Variants in TRIM37 observed in about 807,000 individuals in gnomAD.
TRIM37 encodes the protein E3 ubiquitin-protein ligase TRIM37.
TRIM37 carries 80 observed loss-of-function variants against 129.8 expected under a neutral mutation model. That is an observed-to-expected ratio of 0.62 (90% CI 0.51 to 0.74). The LOEUF (loss-of-function observed/expected upper bound fraction) is 0.74. Among genes scored for constraint, TRIM37 ranks in the 30% least tolerant of loss-of-function variants. The pLI is 0.00. For missense variants in TRIM37, 1,054 were observed against 1,176.5 expected, an observed-to-expected ratio of 0.90 and a Z score of 1.52; for synonymous variants, 389 against 387.1, an observed-to-expected ratio of 1.00 and a Z score of -0.06.
chr17:59,021,167 G>T (rs2036557433), intron 19 of TRIM37, among the ~76,000 whole-genome samples: 1 of 152,162 alleles, frequency 6.6e-6, no homozygotes, highest in South Asian at 2.1e-4. Context: ...CGACTCAAGT[G>T]GATCATTTGA....
intron 24 of TRIM37, among the ~76,000 whole-genome samples, chr17:58,987,255 T>C (rs1283030568): frequency 6.6e-6 from 1 of 152,224 alleles, no homozygotes; most frequent in Non-Finnish European, 1.5e-5. Context: ...CTGCTAGTCA[T>C]TACATTGAGT....
intron 10 of TRIM37, 52 bp from the exon 11 acceptor site, chr17:59,062,700 G>C: frequency 1.4e-6 from 2 of 1,465,636 alleles, no homozygotes; most frequent in Non-Finnish European, 1.9e-6. Flanking sequence ...GTTGTGAAAT[G>C]GCAACAGGCA....
intron 24 of TRIM37, chr17:58,983,036 G>GT (rs1339248564): frequency 9.1e-6 from 9 of 987,584 alleles, no homozygotes; most frequent in African/African-American, 1.6e-5. Context: ...TATTGGTAAT[G>GT]TTTTTGATCA....
At chr17:59,098,983 C>T (rs763539165) in intron 2 of TRIM37, among the ~76,000 whole-genome samples, 91 of 152,140 alleles carry the variant, frequency 6.0e-4, no homozygotes, top group Non-Finnish European at 1.0e-3. Flanking sequence ...AAGAGATCGA[C>T]ACCATCCTGG....
intron 2 of TRIM37, among the ~76,000 whole-genome samples, chr17:59,102,165 T>C (rs1362348794): frequency 8.5e-5 from 13 of 152,126 alleles, no homozygotes; most frequent in Non-Finnish European, 1.9e-4. Flanking sequence ...TAGCTAAAGC[T>C]GCTAAAGTAA....
intron 15 of TRIM37, among the ~76,000 whole-genome samples, chr17:59,048,816 C>T (rs1294262132): frequency 2.0e-5 from 3 of 152,188 alleles, no homozygotes; most frequent in African/African-American, 7.2e-5. Flanking sequence ...AGGATAGTCT[C>T]GAACTCCTGA....
intron 9 of TRIM37, 74 bp downstream of exon 9, chr17:59,070,749 A>G (rs76870155): frequency 2.8e-5 from 42 of 1,506,940 alleles, no homozygotes; most frequent in Non-Finnish European, 3.8e-5. Flanking sequence ...AAAAAAAAAA[A>G]CATTCTTTTG....
chr17:59,006,978 T>G (rs1845389768), intron 22 of TRIM37, among the ~76,000 whole-genome samples: 1 of 151,924 alleles, frequency 6.6e-6, no homozygotes, highest in South Asian at 2.1e-4. Context: ...GTTGTTGAGG[T>G]GCTTAGAGAA....
intron 16 of TRIM37, among the ~76,000 whole-genome samples, chr17:59,042,560 C>T (rs969687491): frequency 6.7e-6 from 1 of 149,644 alleles, no homozygotes; most frequent in South Asian, 2.1e-4. Flanking sequence ...GTCAGGATTT[C>T]GAGACCAGCC....
intron 4 of TRIM37, among the ~76,000 whole-genome samples, chr17:59,084,893 A>G (rs2043616170): frequency 6.6e-6 from 1 of 152,238 alleles, no homozygotes; most frequent in Non-Finnish European, 1.5e-5. Flanking sequence ...CAACACTGCT[A>G]GCATTTAATC....
In TRIM37 at chr17:59,106,448, C is replaced by G. The variant is rs1487459885; in HGVS notation, c.14G>C (p.Ser5Thr). The G allele has an allele frequency of 5.6e-6, 9 of 1,614,152 alleles. No individual in the cohort carries two copies. Among genetic ancestry groups the G allele is most frequent in the Non-Finnish European group, 7.6e-6 (9 of 1,180,002 alleles). The stretch of plus-strand genomic sequence containing the variant: ...CCCTCACAACCCCCTCACCTCCACG[C>G]TCTGTTCATCCATTGCCTCCGGCTC... MDEQ[S>T]VESIAEVFRC... is the part of the protein sequence containing the mutation. The change falls in exon 1 of 24, where the codon AGC becomes ACC. Residue 5 changes from serine (S) to threonine (T), a missense_variant. Physicochemically the swap from Ser to Thr is moderately conservative, Grantham distance 58. Around this residue, in one of 3 missense-constraint regions of TRIM37, gnomAD observed 752 missense variants for 870.8 expected, o/e 0.86. Coordinates refer to ENST00000262294, the MANE Select transcript of TRIM37 (RefSeq NM_015294.6).
intron 12 of TRIM37, chr17:59,059,588 C>T (rs2041291414): frequency 6.6e-6 from 1 of 152,532 alleles, no homozygotes; most frequent in Non-Finnish European, 1.5e-5. Flanking sequence ...GCCTTGGCCT[C>T]CCAAAGTGCT....
chr17:59,097,840 T>C (rs2045055273), intron 2 of TRIM37, among the ~76,000 whole-genome samples: 1 of 152,226 alleles, frequency 6.6e-6, no homozygotes, highest in Non-Finnish European at 1.5e-5. Flanking sequence ...TGTTCAAGGA[T>C]CATAAGATTT....
chr17:58,977,031 C>CT, the TRIM37 span, among the ~76,000 whole-genome samples: 4 of 151,836 alleles, frequency 2.6e-5, no homozygotes, highest in Non-Finnish European at 5.9e-5. Flanking sequence ...TTTGCATTTT[C>CT]TGCTTAAATA....
At chr17:59,011,384 C>G (rs568419757) in intron 22 of TRIM37, among the ~76,000 whole-genome samples, 1 of 152,230 alleles carries the variant, frequency 6.6e-6, no homozygotes, top group South Asian at 2.1e-4. Flanking sequence ...AACTGAGAAA[C>G]CTGAAAATGC....
chr17:59,052,580 T>C (rs1274115752), intron 13 of TRIM37, among the ~76,000 whole-genome samples: 7 of 152,178 alleles, frequency 4.6e-5, no homozygotes, highest in Non-Finnish European at 8.8e-5. Flanking sequence ...AATGTTGGGA[T>C]AGTCTTTATA....
chr17:59,081,337 A>C, intron 5 of TRIM37, 118 bp from the exon 6 acceptor site: 2 of 1,414,984 alleles, frequency 1.4e-6, no homozygotes, highest in Non-Finnish European at 1.9e-6. Context: ...ACTTTACCTT[A>C]TTAGCTAATT....
chr17:59,042,449 A>ATATAT (rs1302050122), intron 16 of TRIM37, among the ~76,000 whole-genome samples: 13 of 36,036 alleles, frequency 3.6e-4, no homozygotes, highest in African/African-American at 4.4e-4. Flanking sequence ...AAAAAAAAAA[A>ATATAT]ATATATATAT....
chr17:59,035,671 C>A (rs536266111), intron 17 of TRIM37, among the ~76,000 whole-genome samples: 3 of 151,852 alleles, frequency 2.0e-5, no homozygotes, highest in Admixed American at 2.0e-4. Context: ...TGCTTGAACC[C>A]AGGAGGCAGA....
Sources: gnomAD v4.1 joint callset for allele counts (sites outside exome capture counted in the v4.1 genomes callset) on GRCh38, gnomAD v4.1.1 for gene constraint, gnomAD v4.1.1 regional missense constraint, MANE v1.5 for transcripts, NCBI Gene and HGNC (gene_info 2026-07-23, HGNC 2026-07-21) for gene names.